The following CARMIL3 variants were observed in gnomAD, a reference collection of about 807,000 sequenced individuals.
CARMIL3 encodes capping protein regulator and myosin 1 linker 3.
Under a neutral mutation model 180.8 loss-of-function variants are expected in CARMIL3, and 88 were observed. That is an observed-to-expected ratio of 0.49 (90% CI 0.41 to 0.58). CARMIL3 has a LOEUF of 0.58. Ranked by LOEUF, CARMIL3 falls within the 20% of genes least tolerant of loss-of-function variation. The pLI is 0.00. For synonymous variants in CARMIL3, 696 were observed against 714.5 expected, an observed-to-expected ratio of 0.97 and a Z score of 0.41; for missense variants, 1,548 against 1,787.0, an observed-to-expected ratio of 0.87 and a Z score of 2.41.
Position 24,062,697 on chromosome 14 carries a change from G to C in CARMIL3, c.2569-12G>C, listed in dbSNP as rs2035743775. Reference sequence around the variant, plus strand: ...CTTCCATGGAATTCTGTTCACACCTGCCCTTCCCCAGGCCCGGCACCTGAC... The same window carrying C: ...CTTCCATGGAATTCTGTTCACACCTCCCCTTCCCCAGGCCCGGCACCTGAC... On this transcript the variant is annotated splice_polypyrimidine_tract_variant and intron_variant, in intron 28 of 39. Transcript: ENST00000342740. The C allele has an allele frequency of 1.2e-6, 2 of 1,608,120 alleles. No homozygotes were observed. The highest frequency in any genetic ancestry group is 4.5e-5 in the East Asian group (2 of 44,778).
rs921342280 is a variant in CARMIL3, at chr14:24,052,062, C to CCG, written c.-91_-90dup. Reference sequence around the variant, plus strand: ...CGGCCGCTGCTGCAGCGCTCAGCGCCCGGGCCCTGCTGAAGCCGGGTCTAG... The same window carrying CCG: ...CGGCCGCTGCTGCAGCGCTCAGCGCCCGCGGGCCCTGCTGAAGCCGGGTCTAG... On this transcript the variant is annotated 5_prime_UTR_variant, in exon 1 of 40. Transcript: ENST00000342740. 10 of 1,344,386 alleles carry CCG rather than the reference C, an allele frequency of 7.4e-6. No individual in the cohort carries two copies. The African/African-American group carries it at 1.5e-4, about 21-fold the overall frequency. The allele number at this position is 1,344,386 out of a possible 1,614,324, so 83.3% of individuals were successfully genotyped here. A position where few individuals can be genotyped will look rare whatever the true frequency, so the allele number is the denominator to read the frequency against.
rs372578406 is a variant in CARMIL3 at position 24,056,383 on chromosome 14, C to G, written c.855C>G (p.Ile285Met). Residue 285 changes from isoleucine (I) to methionine (M), a missense_variant, in exon 11 of 40, where the codon ATC (isoleucine) becomes ATG (methionine). This residue lies in a region of CARMIL3 where 578 missense variants were observed against 666.5 expected (regional missense o/e 0.87). Coordinates refer to ENST00000342740, the MANE Select transcript of CARMIL3 (RefSeq NM_138360.4). ...LHALTLSHNP[I>M]EDKGFLSLSQ... ...CCCTCACTCTGTCCCACAACCCCAT[C>G]GAGGACAAGGGTGAGCCCCAGCCCT... is the stretch of plus-strand genomic sequence containing the variant. 2.5e-6 allele frequency: 4 copies of G among 1,613,284 alleles called. No homozygotes were observed. The highest frequency in any genetic ancestry group is 3.4e-6 in the Non-Finnish European group (4 of 1,179,528).
intron 12 of CARMIL3, 63 bp downstream of exon 12, chr14:24,056,771 C>T: frequency 1.3e-6 from 2 of 1,556,338 alleles, no homozygotes; most frequent in South Asian, 2.2e-5. Flanking sequence ...GTGTTGAGCT[C>T]CAGAGGTACA....
At position 24,059,572 on chromosome 14, in the gene CARMIL3, G is replaced by A. The variant is rs2035710813; in HGVS notation, c.1800-92G>A. 1.3e-6 allele frequency: 2 copies of A among 1,541,934 alleles called. No homozygotes were observed. Among genetic ancestry groups the A allele is most frequent in the South Asian group, 2.3e-5 (2 of 85,328 alleles). ...CCCCCAGCCCCAGAACCATCTCTGA[G>A]TCAGCCTTATTGCCCCAAGAGGTTT... is the stretch of plus-strand genomic sequence containing the variant. On this transcript the variant is annotated intron_variant, in intron 21 of 39. Transcript: ENST00000342740. This position sits in a 1 kb window ranked among gnomAD's most constrained non-coding sequence, Gnocchi z 6.3.
chr14:24,063,094 C>G, intron 29 of CARMIL3, 26 bp from the exon 30 acceptor site: 1 of 1,607,640 alleles, frequency 6.2e-7, no homozygotes, highest in Non-Finnish European at 8.5e-7. Context: ...GGTGCCTGGC[C>G]CTGCCACTCG....
In CARMIL3 at chr14:24,055,583, T is replaced by C; in HGVS notation, c.646T>C (p.Trp216Arg). The C allele has an allele frequency of 6.2e-7, 1 of 1,614,062 alleles. No homozygotes were observed. The highest frequency in any genetic ancestry group is 8.5e-7 in the Non-Finnish European group (1 of 1,180,002). ...LMVAALAYNQWFTKLYCKDLR... is the reference protein window; with the variant it reads ...LMVAALAYNQRFTKLYCKDLR... ...GGTAGCAGCCCTGGCCTACAACCAG[T>C]GGTTCACCAAACTCTACTGCAAGGA... The change falls in exon 9 of 40, where the codon TGG (tryptophan) becomes CGG (arginine). Residue 216 changes from tryptophan (W) to arginine (R), a missense_variant. Physicochemically the swap from Trp to Arg is moderately radical, Grantham distance 101. This residue lies in a region of CARMIL3 where 578 missense variants were observed against 666.5 expected (regional missense o/e 0.87). Coordinates refer to ENST00000342740, the MANE Select transcript of CARMIL3 (RefSeq NM_138360.4).
rs147791764 is a variant in CARMIL3 at position 24,054,469 on chromosome 14, G to A, written c.320G>A (p.Arg107Gln). 24 of 1,614,020 alleles carry A rather than the reference G, an allele frequency of 1.5e-5. No individual in the cohort carries two copies. Among genetic ancestry groups the A allele is most frequent in the East Asian group, 8.9e-5 (4 of 44,890 alleles). ...PSAESVDQVT[R>Q]HVSSALSKVC... is the part of the protein sequence containing the mutation. ...GCTGAAAGTGTGGACCAGGTGACACGACATGTGAGCTCTGCCCTGTCCAAG... is the reference window on the plus strand; with the variant it reads ...GCTGAAAGTGTGGACCAGGTGACACAACATGTGAGCTCTGCCCTGTCCAAG... The change falls in exon 5 of 40, where the codon CGA (arginine) becomes CAA (glutamine). Residue 107 changes from arginine (R) to glutamine (Q), a missense_variant. By Grantham distance (43) the Arg-to-Gln change is conservative. Coordinates refer to ENST00000342740, the MANE Select transcript of CARMIL3 (RefSeq NM_138360.4). The surrounding 1 kb of genome is among the most constrained non-coding windows in gnomAD (Gnocchi z 5.1).
Position 24,064,306 on chromosome 14 carries a change from G to A in CARMIL3, c.3040G>A (p.Glu1014Lys). 1 of 1,612,936 alleles carries A rather than the reference G, an allele frequency of 6.2e-7. No individual in the cohort carries two copies. The change falls in exon 32 of 40, where the codon GAG becomes AAG. Residue 1014 changes from glutamate to lysine, a missense_variant. Around this residue, in one of 4 missense-constraint regions of CARMIL3, gnomAD observed 668 missense variants for 687.8 expected, o/e 0.97. Coordinates refer to ENST00000342740, the MANE Select transcript of CARMIL3 (RefSeq NM_138360.4). ...GMATRLDEGLEDFFSRRVLEE... is the reference protein window; with the variant it reads ...GMATRLDEGLKDFFSRRVLEE... Reference sequence around the variant, plus strand: ...GGCCACCCGCCTGGATGAAGGGCTGGAGGACTTCTTCAGCCGAAGGGTCCT... The same window carrying A: ...GGCCACCCGCCTGGATGAAGGGCTGAAGGACTTCTTCAGCCGAAGGGTCCT...
In CARMIL3 at chr14:24,054,167, C is replaced by A; in HGVS notation, c.186+29C>A. The A allele has an allele frequency of 6.2e-7, 1 of 1,614,106 alleles. No individual in the cohort carries two copies. The highest frequency in any genetic ancestry group is 8.5e-7 in the Non-Finnish European group (1 of 1,179,950). ...AGTTGGGCTGAGGAGCAGGAGAGCA[C>A]CTGGCATGCTCCCTACCTCCCAAGC... On this transcript the variant is annotated intron_variant, in intron 3 of 39. Coordinates refer to ENST00000342740, the MANE Select transcript of CARMIL3 (RefSeq NM_138360.4). This position sits in a 1 kb window ranked among gnomAD's most constrained non-coding sequence, Gnocchi z 5.1.
intron 31 of CARMIL3, among the ~76,000 whole-genome samples, chr14:24,063,894 GA>G (rs1318407976): frequency 2.1e-5 from 3 of 141,112 alleles, no homozygotes; most frequent in Non-Finnish European, 4.7e-5. Context: ...AAGAGATCGA[GA>G]TCATCCTGGC....
intron 8 of CARMIL3, 49 bp from the exon 9 acceptor site, chr14:24,055,494 A>T: frequency 3.1e-6 from 5 of 1,602,304 alleles, no homozygotes; most frequent in Non-Finnish European, 3.4e-6. Flanking sequence ...TTCTTTTCTG[A>T]CCCAACCACC....
At position 24,055,386 on chromosome 14, in the gene CARMIL3, T is replaced by C. The variant is rs1236756694; in HGVS notation, c.605+76T>C. The C allele has an allele frequency of 6.4e-6, 10 of 1,555,474 alleles. No individual in the cohort carries two copies. The Admixed American group carries it at 1.7e-4, about 26-fold the overall frequency. Reference sequence around the variant, plus strand: ...ACCCCAGCCCTTCCCAGGAGTGCCCTTCTGGTCCCACAGCCCCAGCTCTAT... The same window carrying C: ...ACCCCAGCCCTTCCCAGGAGTGCCCCTCTGGTCCCACAGCCCCAGCTCTAT... On this transcript the variant is annotated intron_variant, in intron 8 of 39. Coordinates refer to ENST00000342740, the MANE Select transcript of CARMIL3 (RefSeq NM_138360.4).
At chr14:24,055,661 C>A in intron 9 of CARMIL3, 40 bp from the exon 10 acceptor site, 1 of 1,613,612 alleles carries the variant, frequency 6.2e-7, no homozygotes, top group South Asian at 1.1e-5. Flanking sequence ...AAGTAGTGCC[C>A]CCCTTGGCCC....
intron 11 of CARMIL3, 95 bp from the exon 12 acceptor site, chr14:24,056,527 G>T: frequency 6.8e-7 from 1 of 1,479,784 alleles, no homozygotes; most frequent in Non-Finnish European, 9.4e-7. Flanking sequence ...CTTGACCCAA[G>T]GCCTGTACCC....
Position 24,059,436 on chromosome 14 carries a change from C to A in CARMIL3, c.1793C>A (p.Ser598Tyr), listed in dbSNP as rs1197987641. ...MLSKALQINSSLRTILWDRNN... is the reference protein window; with the variant it reads ...MLSKALQINSYLRTILWDRNN... ...TCTAAGGCCCTGCAGATAAACTCCT[C>A]CCTCAGGTGGGGCCCACACCGGGAC... The change falls in exon 21 of 40, where the codon TCC becomes TAC. Residue 598 changes from serine (S) to tyrosine (Y), a missense_variant. Ser to Tyr is a moderately radical substitution (Grantham distance 144). Around this residue, in one of 4 missense-constraint regions of CARMIL3, gnomAD observed 297 missense variants for 415.9 expected, o/e 0.71. Coordinates refer to ENST00000342740, the MANE Select transcript of CARMIL3 (RefSeq NM_138360.4). This position sits in a 1 kb window ranked among gnomAD's most constrained non-coding sequence, Gnocchi z 6.3. 1 of 1,571,408 alleles carries A rather than the reference C, an allele frequency of 6.4e-7. No homozygotes were observed. The highest frequency in any genetic ancestry group is 8.6e-7 in the Non-Finnish European group (1 of 1,158,338).
intron 1 of CARMIL3, among the ~76,000 whole-genome samples, 180 bp downstream of exon 1, chr14:24,052,373 C>T (rs1283529095): frequency 6.6e-6 from 1 of 152,220 alleles, no homozygotes; most frequent in Non-Finnish European, 1.5e-5. Flanking sequence ...CCTCCGCTGC[C>T]TGCCTCGCCT....
intron 33 of CARMIL3, 49 bp from the exon 34 acceptor site, chr14:24,065,573 G>A: frequency 6.4e-7 from 1 of 1,559,488 alleles, no homozygotes; most frequent in East Asian, 2.3e-5. Context: ...ACAGCCTGGG[G>A]AGCCCCCTTC....
chr14:24,053,697 ACCC>A lies in CARMIL3; in HGVS notation c.41-7_41-5del, dbSNP rs201715152. ...AAGGTGAAGCTCTGAGCAGGCTCCC[ACCC>A]CCCCTCAGACAGCATCCGGAGGTGC... On this transcript the variant is annotated splice_polypyrimidine_tract_variant and intron_variant, in intron 1 of 39. Transcript: ENST00000342740. 1 of 1,597,156 alleles carries A rather than the reference ACCC, an allele frequency of 6.3e-7. No homozygotes were observed.
In CARMIL3 at chr14:24,055,703, C is replaced by T. The variant is rs146252418; in HGVS notation, c.684C>T (p.Gly228=). 8.5e-5 allele frequency: 138 copies of T among 1,614,124 alleles called. No individual in the cohort carries two copies. In the African/African-American group the frequency reaches 1.7e-3, roughly 20 times the overall value. ...ACAAGACCCCCCTCTGTCCTCAGGGCTCTGAAGTGCTAGAACAGGTGCTAC... is the reference window on the plus strand; with the variant it reads ...ACAAGACCCCCCTCTGTCCTCAGGGTTCTGAAGTGCTAGAACAGGTGCTAC... ...TKLYCKDLRL[G]SEVLEQVLHT... Residue 228 remains glycine (G), a splice_region_variant and synonymous_variant, in exon 10 of 40, where the codon GGC becomes GGT. Coordinates refer to ENST00000342740, the MANE Select transcript of CARMIL3 (RefSeq NM_138360.4).
Sources: allele counts gnomAD v4.1 joint callset (sites outside exome capture counted in the v4.1 genomes callset), GRCh38; gene constraint gnomAD v4.1.1; regional missense constraint gnomAD v4.1.1; non-coding constraint Gnocchi (gnomAD v3.1); transcripts MANE v1.5; gene names NCBI Gene and HGNC (gene_info 2026-07-23, HGNC 2026-07-21).